The following ATL3 variants were observed in gnomAD, a reference collection of about 807,000 sequenced individuals.
ATL3 encodes the protein atlastin-3.
In ATL3, 49 loss-of-function variants were observed where a neutral mutation model predicts 69.5. That is an observed-to-expected ratio of 0.71 (90% CI 0.56 to 0.89). The LOEUF is 0.89. Among genes scored for constraint, ATL3 ranks in the 40% least tolerant of loss-of-function variants. The probability of loss-of-function intolerance (pLI) is 0.00; values close to 1 mark genes in which losing one functional copy is unlikely to be tolerated. For synonymous variants in ATL3, 214 were observed against 224.1 expected, an observed-to-expected ratio of 0.95 and a Z score of 0.40; for missense variants, 606 against 645.7, an observed-to-expected ratio of 0.94 and a Z score of 0.67.
rs922928486 is a variant in ATL3, at chr11:63,624,993, C to T, written c.*4326G>A. On this transcript the variant is annotated 3_prime_UTR_variant, in exon 13 of 13. Transcript: ENST00000398868. The stretch of plus-strand genomic sequence containing the variant: ...GACTCCAGGACCACAGCCCATACCA[C>T]CTGAGGCAATCCCTGGGTACAAAGC... 3 of 152,142 alleles carry T rather than the reference C, an allele frequency of 2.0e-5. No individual in the cohort carries two copies. The highest frequency in any genetic ancestry group is 2.9e-5 in the Non-Finnish European group (2 of 68,026). The allele number at this position is 152,142 out of a possible 1,614,324, so 9.4% of individuals were successfully genotyped here. A position where few individuals can be genotyped will look rare whatever the true frequency, so the allele number is the denominator to read the frequency against.
At chr11:63,657,503 C>A (rs553648409) in intron 3 of ATL3, among the ~76,000 whole-genome samples, 12 of 152,222 alleles carry the variant, frequency 7.9e-5, no homozygotes, top group African/African-American at 2.9e-4. Context: ...GTCTGTGCCA[C>A]CCATACAGGA....
chr11:63,655,940 A>G (rs1258480480), intron 3 of ATL3, among the ~76,000 whole-genome samples: 1 of 152,134 alleles, frequency 6.6e-6, no homozygotes, highest in African/African-American at 2.4e-5. Context: ...CATGAACTAC[A>G]TCAGCCTGGC....
chr11:63,671,305 C>T lies in ATL3; in HGVS notation c.31G>A (p.Ala11Thr). ...GGCGCCTCACCTGCTCCTCTTGAGG[C>T]AGCTGCTGCCACTCGCTGAGGGGAC... MLSPQRVAAA[A>T]SRGADDAMES... Residue 11 changes from alanine (A) to threonine (T), a missense_variant, in exon 1 of 13, where the codon GCC becomes ACC. Physicochemically the swap from Ala to Thr is moderately conservative, Grantham distance 58 (BLOSUM62 0). Coordinates refer to ENST00000398868, the MANE Select transcript of ATL3 (RefSeq NM_015459.5). The T allele has an allele frequency of 9.4e-6, 15 of 1,587,588 alleles. No homozygotes were observed. Among genetic ancestry groups the T allele is most frequent in the Non-Finnish European group, 1.3e-5 (15 of 1,168,874 alleles).
chr11:63,634,881 G>A (rs1414123108), intron 10 of ATL3, among the ~76,000 whole-genome samples: 4 of 152,018 alleles, frequency 2.6e-5, no homozygotes, highest in African/African-American at 9.7e-5. Context: ...AAAAATTATA[G>A]CCAGGCATGG....
intron 1 of ATL3, among the ~76,000 whole-genome samples, chr11:63,663,570 AC>A (rs1940486459): frequency 6.6e-6 from 1 of 152,238 alleles, no homozygotes; most frequent in East Asian, 1.9e-4. Context: ...AAAAGGAAAC[AC>A]TTCTGTGAAT....
chr11:63,638,727 C>CA (rs57848559), intron 8 of ATL3, among the ~76,000 whole-genome samples: 4,698 of 131,982 alleles, frequency 0.036, 74 homozygotes, highest in African/African-American at 0.041. Flanking sequence ...CAAAACAAAA[C>CA]AAAAAAAAAA....
intron 1 of ATL3, among the ~76,000 whole-genome samples, chr11:63,660,800 G>A (rs987247499): frequency 6.6e-6 from 1 of 151,898 alleles, no homozygotes; most frequent in Admixed American, 6.6e-5. Flanking sequence ...ATAAAACAAT[G>A]TCTATCAATA....
intron 1 of ATL3, among the ~76,000 whole-genome samples, chr11:63,668,991 C>CTTTTTTTTAA (rs753726979): frequency 1.6e-4 from 20 of 121,870 alleles, no homozygotes; most frequent in Admixed American, 9.6e-4. Context: ...CGTTGGCTAA[C>CTTTTTTTTAA]TTTTTTTTAA....
At chr11:63,634,724 T>C (rs1276214475) in intron 10 of ATL3, among the ~76,000 whole-genome samples, 1 of 152,122 alleles carries the variant, frequency 6.6e-6, no homozygotes, top group Non-Finnish European at 1.5e-5. Flanking sequence ...CATGTTCCAC[T>C]AAAGTAAATA....
chr11:63,626,144 C>A lies in ATL3; in HGVS notation c.*3175G>T, dbSNP rs1166770462. ...CCTGTAATCCCAGCACTTTGGGAGGCTGGGGGGAGTGGATCACCTGAGGTC... is the reference window on the plus strand; with the variant it reads ...CCTGTAATCCCAGCACTTTGGGAGGATGGGGGGAGTGGATCACCTGAGGTC... On this transcript the variant is annotated 3_prime_UTR_variant, in exon 13 of 13. Coordinates refer to ENST00000398868, the MANE Select transcript of ATL3 (RefSeq NM_015459.5). 6.6e-6 allele frequency: 1 copy of A among 151,974 alleles called. No homozygotes were observed. Among genetic ancestry groups the A allele is most frequent in the Non-Finnish European group, 1.5e-5 (1 of 68,030 alleles). The allele number at this position is 151,974 out of a possible 1,614,324, so 9.4% of individuals were successfully genotyped here.
rs57848559 is a variant in ATL3 at position 63,638,727 on chromosome 11, CA to C, written c.851-2394del. On this transcript the variant is annotated intron_variant, in intron 8 of 12. Transcript: ENST00000398868. ...CTTTGTCTCAAAAAACAAAACAAAA[CA>C]AAAAAAAAAAAACTCAGCAGCTATT... Among the ~76,000 whole-genome samples the C allele has an allele frequency of 1.5e-3, 198 of 132,132 alleles. 1 individual carries two copies. The highest frequency in any genetic ancestry group is 4.1e-3 in the African/African-American group (147 of 35,978). The allele number at this position is 132,132 out of a possible 152,430, so 86.7% of individuals were successfully genotyped here.
chr11:63,634,462 G>A (rs1939450642), intron 10 of ATL3, among the ~76,000 whole-genome samples: 1 of 151,138 alleles, frequency 6.6e-6, no homozygotes, highest in South Asian at 2.1e-4. Context: ...AGCCGAGATT[G>A]TGCCACTGCA....
chr11:63,663,210 C>G (rs577895483), intron 1 of ATL3, among the ~76,000 whole-genome samples: 1 of 151,988 alleles, frequency 6.6e-6, no homozygotes, highest in Admixed American at 6.6e-5. Flanking sequence ...CCTCAAACTC[C>G]TGGGTTCAAG....
chr11:63,632,345 A>G lies in ATL3; in HGVS notation c.1107+681T>C. ...GTCATGTGTTCTGGACCATCAATGG[A>G]GCCTACAATTCAAAATTCAGATACT... is the stretch of plus-strand genomic sequence containing the variant. On this transcript the variant is annotated intron_variant, in intron 11 of 12. Coordinates refer to ENST00000398868, the MANE Select transcript of ATL3 (RefSeq NM_015459.5). 3.5e-6 allele frequency: 3 copies of G among 868,088 alleles called. No individual in the cohort carries two copies. The South Asian group carries it at 3.9e-5, about 11-fold the overall frequency. 53.8% of individuals were successfully genotyped at this position (868,088 alleles called of 1,614,324 possible). A position where few individuals can be genotyped will look rare whatever the true frequency, so the allele number is the denominator to read the frequency against.
At chr11:63,655,613 A>G (rs1940216947) in intron 3 of ATL3, among the ~76,000 whole-genome samples, 1 of 151,462 alleles carries the variant, frequency 6.6e-6, no homozygotes, top group Non-Finnish European at 1.5e-5. Context: ...ACACCCAGCT[A>G]ATTTTTTGTA....
At position 63,626,993 on chromosome 11, in the gene ATL3, C is replaced by G. The variant is rs1303798118; in HGVS notation, c.*2326G>C. On this transcript the variant is annotated 3_prime_UTR_variant, in exon 13 of 13. Transcript: ENST00000398868. ...TTCCTCTGGATAATTAAACCAAGGT[C>G]TCTTTATAAGACCAAAACAGAAATG... 2 of 151,696 alleles carry G rather than the reference C, an allele frequency of 1.3e-5. No homozygotes were observed. Among genetic ancestry groups the G allele is most frequent in the Non-Finnish European group, 2.9e-5 (2 of 67,956 alleles). 9.4% of individuals were successfully genotyped at this position (151,696 alleles called of 1,614,324 possible). A position where few individuals can be genotyped will look rare whatever the true frequency, so the allele number is the denominator to read the frequency against.
intron 3 of ATL3, among the ~76,000 whole-genome samples, chr11:63,655,961 ACG>A (rs1430025656): frequency 7.2e-5 from 11 of 152,364 alleles, no homozygotes; most frequent in Admixed American, 7.2e-4. Flanking sequence ...GCAGTGGCTC[ACG>A]CCTATAATCC....
rs763063804 is a variant in ATL3 at position 63,631,242 on chromosome 11, A to G, written c.1337T>C (p.Val446Ala). Residue 446 changes from valine to alanine, a missense_variant, in exon 12 of 13, where the codon GTG (valine) becomes GCG (alanine). Physicochemically the swap from Val to Ala is moderately conservative, Grantham distance 64. Transcript: ENST00000398868. The part of the protein sequence containing the change: ...NVFSTFRTPA[V>A]LFTGIVALYI... Reference sequence around the variant, plus strand: ...CAAAGCTACAATGCCCGTGAACAGCACTGCAGGGGTTCGGAAGGTGCTGAA... The same window carrying G: ...CAAAGCTACAATGCCCGTGAACAGCGCTGCAGGGGTTCGGAAGGTGCTGAA... 3 of 1,614,108 alleles carry G rather than the reference A, an allele frequency of 1.9e-6. No homozygotes were observed. The highest frequency in any genetic ancestry group is 1.1e-5 in the South Asian group (1 of 91,092).
chr11:63,629,744 T>C (rs1157362281), intron 12 of ATL3, among the ~76,000 whole-genome samples: 2 of 152,168 alleles, frequency 1.3e-5, no homozygotes, highest in East Asian at 3.9e-4. Flanking sequence ...ACTGGGTTAG[T>C]CAGGTGTGGT....
Sources: gnomAD v4.1 joint callset for allele counts (sites outside exome capture counted in the v4.1 genomes callset) on GRCh38, gnomAD v4.1.1 for gene constraint, MANE v1.5 for transcripts, NCBI Gene and HGNC (gene_info 2026-07-23, HGNC 2026-07-21) for gene names.